Variants in SRGAP1 observed in about 807,000 individuals in gnomAD.
SRGAP1 encodes SLIT-ROBO Rho GTPase-activating protein 1.
Under a neutral mutation model 121.9 loss-of-function variants are expected in SRGAP1, and 43 were observed. The observed-to-expected ratio is 0.35, with a 90% CI of 0.28 to 0.46. SRGAP1 has a LOEUF of 0.46. Among genes scored for constraint, SRGAP1 ranks in the 20% least tolerant of loss-of-function variants. The pLI, the probability that SRGAP1 is intolerant of heterozygous loss-of-function variation, is 1.00. For synonymous variants in SRGAP1, 447 were observed against 485.4 expected (o/e 0.92, Z 1.04); for missense variants, 1,102 against 1,350.9 (o/e 0.82, Z 2.89).
At chr12:63,918,104 C>A (rs1334628376) in intron 1 of SRGAP1, among the ~76,000 whole-genome samples, 4 of 152,126 alleles carry the variant, frequency 2.6e-5, no homozygotes, top group African/African-American at 9.7e-5. Flanking sequence ...CAAAATCAGT[C>A]ATAGTAAAAC....
rs1181592094 is a variant in SRGAP1 at position 64,151,771 on chromosome 12, A to T, written c.*9099A>T. The T allele has an allele frequency of 1.3e-5, 2 of 152,294 alleles. No homozygotes were observed. Among genetic ancestry groups the T allele is most frequent in the East Asian group, 3.9e-4 (2 of 5,184 alleles). The allele number at this position is 152,294 out of a possible 1,614,324, so 9.4% of individuals were successfully genotyped here. ...CTATTTCACTCACCTCTGTGTCCTAAACTTCAGATGACTCTTTATTGTTTC... is the reference window on the plus strand; with the variant it reads ...CTATTTCACTCACCTCTGTGTCCTATACTTCAGATGACTCTTTATTGTTTC... On this transcript the variant is annotated 3_prime_UTR_variant, in exon 22 of 22. Coordinates refer to ENST00000355086, the MANE Select transcript of SRGAP1 (RefSeq NM_020762.4).
chr12:63,847,621 C>G (rs1316585652), intron 1 of SRGAP1, among the ~76,000 whole-genome samples: 1 of 152,046 alleles, frequency 6.6e-6, no homozygotes, highest in Non-Finnish European at 1.5e-5. Flanking sequence ...TGGTGCATGC[C>G]TGTAGTCCCA....
intron 4 of SRGAP1, among the ~76,000 whole-genome samples, chr12:64,035,044 A>AG (rs2034870284): frequency 1.4e-5 from 1 of 68,986 alleles, no homozygotes; most frequent in South Asian, 5.7e-4. Flanking sequence ...GCTGGGAACA[A>AG]GAAAAAAAAA....
At chr12:63,930,324 C>A (rs2136336719) in intron 1 of SRGAP1, among the ~76,000 whole-genome samples, 1 of 110,210 alleles carries the variant, frequency 9.1e-6, no homozygotes, top group Non-Finnish European at 1.7e-5. Context: ...AACATCGTCT[C>A]TACTAAAAAA....
chr12:63,951,864 T>C (rs1019313537), intron 1 of SRGAP1, among the ~76,000 whole-genome samples: 1 of 152,190 alleles, frequency 6.6e-6, no homozygotes, highest in African/African-American at 2.4e-5. Flanking sequence ...CATAACTATA[T>C]ACATTATGAA....
chr12:63,961,768 G>A (rs1158136703), intron 1 of SRGAP1, among the ~76,000 whole-genome samples: 1 of 152,166 alleles, frequency 6.6e-6, no homozygotes, highest in Non-Finnish European at 1.5e-5. Context: ...ATTCCAGAAG[G>A]AGAAAGAGCT....
intron 1 of SRGAP1, among the ~76,000 whole-genome samples, chr12:63,981,922 G>T (rs1377017454): frequency 6.6e-6 from 1 of 152,006 alleles, no homozygotes; most frequent in African/African-American, 2.4e-5. Flanking sequence ...TAGAAGGATG[G>T]GAAGTGTTTG....
At chr12:64,124,371 G>A (rs1035333635) in intron 18 of SRGAP1, among the ~76,000 whole-genome samples, 2 of 152,190 alleles carry the variant, frequency 1.3e-5, no homozygotes, top group East Asian at 1.9e-4. Flanking sequence ...ACAACTTCCC[G>A]GGGAATTTTT....
At position 64,020,941 on chromosome 12, in the gene SRGAP1, G is replaced by A. The variant is rs1460074278; in HGVS notation, c.489+3929G>A. Among the ~76,000 whole-genome samples the A allele has an allele frequency of 2.3e-5, 3 of 129,814 alleles. No individual in the cohort carries two copies. In the Admixed American group the frequency reaches 2.3e-4, roughly 10 times the overall value. 85.2% of individuals were successfully genotyped at this position (129,814 alleles called of 152,430 possible). ...TAAACCAAATAGATGTTTATATTCT[G>A]TCTCACAAAAAAAAAAAAAAAGACC... On this transcript the variant is annotated intron_variant, in intron 4 of 21. Transcript: ENST00000355086.
chr12:63,937,596 A>G (rs2031706644), intron 1 of SRGAP1, among the ~76,000 whole-genome samples: 1 of 152,224 alleles, frequency 6.6e-6, no homozygotes, highest in Non-Finnish European at 1.5e-5. Context: ...TATCCTCTTC[A>G]AAGACTGATC....
chr12:63,869,426 G>A (rs530509059), intron 1 of SRGAP1, among the ~76,000 whole-genome samples: 1 of 152,232 alleles, frequency 6.6e-6, no homozygotes, highest in East Asian at 1.9e-4. Context: ...TCCAGCACAT[G>A]CTTTTTGGGG....
chr12:64,104,340 A>C (rs1249942904), intron 15 of SRGAP1, among the ~76,000 whole-genome samples: 1 of 152,210 alleles, frequency 6.6e-6, no homozygotes, highest in Non-Finnish European at 1.5e-5. Flanking sequence ...GATGAATGCC[A>C]CTTTTACCTA....
chr12:63,982,739 G>T (rs1313333152), intron 1 of SRGAP1: 1 of 152,182 alleles, frequency 6.6e-6, no homozygotes, highest in Non-Finnish European at 1.5e-5. Context: ...CCAGCATGAT[G>T]TTCTTGTCTT....
chr12:64,050,240 GA>G (rs1052789187), intron 6 of SRGAP1, among the ~76,000 whole-genome samples: 1 of 152,104 alleles, frequency 6.6e-6, no homozygotes, highest in Non-Finnish European at 1.5e-5. Flanking sequence ...TAACTTTACT[GA>G]ATTTGCTTAT....
chr12:64,024,846 AACTC>A (rs1565645201), intron 4 of SRGAP1, among the ~76,000 whole-genome samples: 1 of 152,154 alleles, frequency 6.6e-6, no homozygotes, highest in Non-Finnish European at 1.5e-5. Context: ...ATCTCCTGAG[AACTC>A]ACTCACTATC....
In SRGAP1 at chr12:63,919,521, T is replaced by C. The variant is rs201955420; in HGVS notation, c.68-64426T>C. On this transcript the variant is annotated intron_variant, in intron 1 of 21. Transcript: ENST00000355086. ...TTACATATATATATATATATATATA[T>C]ACACATACACACACACACAACTATG... 5.1e-3 allele frequency among the ~76,000 whole-genome samples: 709 copies of C among 139,128 alleles called. 17 individuals are homozygous for C. Among genetic ancestry groups the C allele is most frequent in the African/African-American group, 0.017 (596 of 35,814 alleles). 91.3% of individuals were successfully genotyped at this position (139,128 alleles called of 152,430 possible). A position where few individuals can be genotyped will look rare whatever the true frequency, so the allele number is the denominator to read the frequency against.
chr12:64,133,445 AC>A (rs2036815607), intron 21 of SRGAP1, among the ~76,000 whole-genome samples: 1 of 152,254 alleles, frequency 6.6e-6, no homozygotes, highest in South Asian at 2.1e-4. Context: ...CCTGACCTCC[AC>A]AAGCCACTAC....
intron 3 of SRGAP1, among the ~76,000 whole-genome samples, chr12:63,998,617 C>A (rs143996122): frequency 5.8e-4 from 89 of 152,248 alleles, no homozygotes; most frequent in African/African-American, 2.0e-3. Flanking sequence ...GAAAATTGCT[C>A]TCAGGATTAT....
At chr12:64,127,526 C>T in intron 19 of SRGAP1, 64 bp from the exon 20 acceptor site, 1 of 1,510,234 alleles carries the variant, frequency 6.6e-7, no homozygotes, top group Middle Eastern at 1.8e-4. Context: ...CTCCACTCAT[C>T]TAGCAAATTT....
Sources: allele counts gnomAD v4.1 joint callset (sites outside exome capture counted in the v4.1 genomes callset), GRCh38; gene constraint gnomAD v4.1.1; transcripts MANE v1.5; gene names NCBI Gene and HGNC (gene_info 2026-07-23, HGNC 2026-07-21).